MYO18B: variants seen among roughly 807,000 people sequenced by gnomAD.
MYO18B encodes unconventional myosin-XVIIIb.
A neutral mutation model predicts 273.0 loss-of-function variants in MYO18B; 204 were observed. That is an observed-to-expected ratio of 0.75 (90% CI 0.67 to 0.84). MYO18B has a LOEUF of 0.84. MYO18B is among the 40% of genes least tolerant of loss of function. The pLI is 0.00. For missense variants in MYO18B, 3,212 were observed against 3,287.6 expected (o/e 0.98, Z 0.56); for synonymous variants, 1,330 against 1,305.7 (o/e 1.02, Z -0.40).
chr22:25,828,806 C>T lies in MYO18B; in HGVS notation c.2817C>T (p.Ala939=). 1 of 1,613,890 alleles carries T rather than the reference C, an allele frequency of 6.2e-7. No individual in the cohort carries two copies. The highest frequency in any genetic ancestry group is 8.5e-7 in the Non-Finnish European group (1 of 1,179,878). ...RSFSSHHLSM[A]SIMVVDSPGF... The stretch of plus-strand genomic sequence containing the variant: ...TTTCCTCCCACCATCTCTCCATGGC[C>T]TCCATCATGGTGGTGGACTCTCCAG... The change falls in exon 15 of 44, where the codon GCC becomes GCT. Residue 939 remains alanine, a synonymous_variant. Coordinates refer to ENST00000335473, the MANE Select transcript of MYO18B (RefSeq NM_032608.7).
chr22:26,061,052 A>C, the MYO18B span, among the ~76,000 whole-genome samples: 1 of 152,044 alleles, frequency 6.6e-6, no homozygotes, highest in Admixed American at 6.6e-5. Context: ...TCCAGTGGCA[A>C]CTGTGAACCT....
intron 1 of MYO18B, among the ~76,000 whole-genome samples, chr22:25,749,845 G>C (rs2085884153): frequency 6.6e-6 from 1 of 152,210 alleles, no homozygotes; most frequent in Non-Finnish European, 1.5e-5. Flanking sequence ...ACCAAAGTAG[G>C]GGCAGGATGC....
intron 40 of MYO18B, among the ~76,000 whole-genome samples, chr22:25,996,330 T>C (rs1035954904): frequency 3.9e-5 from 6 of 152,202 alleles, no homozygotes; most frequent in Non-Finnish European, 5.9e-5. Context: ...ACTGAGCACC[T>C]GTTGCGTGCG....
intron 22 of MYO18B, among the ~76,000 whole-genome samples, chr22:25,869,260 C>T (rs2090978052): frequency 6.6e-6 from 1 of 151,830 alleles, no homozygotes; most frequent in Non-Finnish European, 1.5e-5. Context: ...ACCAGCCTGG[C>T]CAACATGGTG....
intron 40 of MYO18B, among the ~76,000 whole-genome samples, chr22:25,993,426 C>T (rs1240161326): frequency 1.3e-5 from 2 of 152,284 alleles, no homozygotes; most frequent in African/African-American, 4.8e-5. Flanking sequence ...CCTCCTGCTG[C>T]CTGCAAGCTG....
chr22:25,753,892 G>T (rs961629368), intron 1 of MYO18B, among the ~76,000 whole-genome samples: 1 of 152,224 alleles, frequency 6.6e-6, no homozygotes, highest in Non-Finnish European at 1.5e-5. Context: ...CTTTATTCTT[G>T]AAGTTAGCGA....
chr22:25,897,128 G>T (rs1263922249), intron 28 of MYO18B: 1 of 152,224 alleles, frequency 6.6e-6, no homozygotes, highest in Non-Finnish European at 1.5e-5. Flanking sequence ...TGCTGACGCA[G>T]ATTGGGTTGG....
At chr22:25,836,270 C>A (rs538043081) in intron 17 of MYO18B, among the ~76,000 whole-genome samples, 25 of 152,302 alleles carry the variant, frequency 1.6e-4, no homozygotes, top group Admixed American at 9.2e-4. Flanking sequence ...AGTTGATGTG[C>A]TTTTAAAATT....
In MYO18B at chr22:25,975,349, C is replaced by T. The variant is rs533464852; in HGVS notation, c.6157-17014C>T. 5.3e-5 allele frequency among the ~76,000 whole-genome samples: 8 copies of T among 152,272 alleles called. No individual in the cohort carries two copies. The South Asian group carries it at 6.2e-4, about 12-fold the overall frequency. On this transcript the variant is annotated intron_variant, in intron 39 of 43. Coordinates refer to ENST00000335473, the MANE Select transcript of MYO18B (RefSeq NM_032608.7). ...CAAAAGTGTACGGAGGTAGCTTCAACGTCTTTATGTTCCGCCGCTGTGAGC... is the reference window on the plus strand; with the variant it reads ...CAAAAGTGTACGGAGGTAGCTTCAATGTCTTTATGTTCCGCCGCTGTGAGC...
At chr22:25,985,667 T>A (rs2093194292) in intron 39 of MYO18B, among the ~76,000 whole-genome samples, 1 of 104,100 alleles carries the variant, frequency 9.6e-6, no homozygotes, top group African/African-American at 3.3e-5. Flanking sequence ...TCTCGCTCTG[T>A]CACCTAGGCT....
chr22:25,962,925 G>A (rs1173971215), intron 39 of MYO18B, among the ~76,000 whole-genome samples: 1 of 152,076 alleles, frequency 6.6e-6, no homozygotes, highest in Non-Finnish European at 1.5e-5. Flanking sequence ...ACCAGTTACA[G>A]GGATATAAAC....
chr22:25,856,118 T>G (rs1207167223), intron 21 of MYO18B, among the ~76,000 whole-genome samples: 3 of 152,184 alleles, frequency 2.0e-5, no homozygotes, highest in South Asian at 4.1e-4. Flanking sequence ...TGCCATACAG[T>G]TTTTTATAGC....
intron 39 of MYO18B, among the ~76,000 whole-genome samples, chr22:25,958,233 A>G (rs772977182): frequency 1.3e-5 from 2 of 151,936 alleles, no homozygotes; most frequent in African/African-American, 2.4e-5. Context: ...CCTTTTTCTA[A>G]ATGAGATCAC....
intron 20 of MYO18B, among the ~76,000 whole-genome samples, chr22:25,850,491 G>A (rs2090393904): frequency 6.6e-6 from 1 of 152,178 alleles, no homozygotes; most frequent in South Asian, 2.1e-4. Flanking sequence ...AGGCCCATGA[G>A]TGTCTATAAC....
intron 19 of MYO18B, 35 bp downstream of exon 19, chr22:25,846,318 T>G: frequency 1.9e-6 from 3 of 1,602,304 alleles, no homozygotes; most frequent in Non-Finnish European, 2.5e-6. Flanking sequence ...TGTCCTGGCC[T>G]TCACTGCCTC....
chr22:25,763,426 C>G, intron 3 of MYO18B, 37 bp downstream of exon 3: 2 of 1,585,682 alleles, frequency 1.3e-6, no homozygotes, highest in South Asian at 2.3e-5. Context: ...GTATGCGTTT[C>G]CATACCCATC....
At chr22:26,049,985 T>C in the MYO18B span, among the ~76,000 whole-genome samples, 2 of 152,216 alleles carry the variant, frequency 1.3e-5, no homozygotes, top group Non-Finnish European at 2.9e-5. Context: ...AGTACAGCTG[T>C]CCTTACAAAG....
At chr22:25,981,455 G>A (rs977218456) in intron 39 of MYO18B, among the ~76,000 whole-genome samples, 1 of 152,188 alleles carries the variant, frequency 6.6e-6, no homozygotes, top group Non-Finnish European at 1.5e-5. Context: ...TATTGATTAT[G>A]TCATTGGTAA....
rs766364316 is a variant in MYO18B, at chr22:25,768,803, G to T, written c.887G>T (p.Gly296Val). 1 of 1,610,500 alleles carries T rather than the reference G, an allele frequency of 6.2e-7. No individual in the cohort carries two copies. The highest frequency in any genetic ancestry group is 8.5e-7 in the Non-Finnish European group (1 of 1,178,336). Residue 296 changes from glycine (G) to valine (V), a missense_variant, in exon 4 of 44, where the codon GGG becomes GTG. By Grantham distance (109) the Gly-to-Val change is moderately radical. Transcript: ENST00000335473. The stretch of plus-strand genomic sequence containing the variant: ...GAGCCCACAAACACGGTGGAAAAGG[G>T]GAATGTCTCTAAGGACGTAGGGAGT... ...GAEPTNTVEK[G>V]NVSKDVGSEG...
Sources: gnomAD v4.1 joint callset for allele counts (sites outside exome capture counted in the v4.1 genomes callset) on GRCh38, gnomAD v4.1.1 for gene constraint, MANE v1.5 for transcripts, NCBI Gene and HGNC (gene_info 2026-07-23, HGNC 2026-07-21) for gene names.